TTLL11: variants seen among roughly 807,000 people sequenced by gnomAD.
The protein encoded by TTLL11 is tubulin tyrosine ligase like 11.
In TTLL11, 42 loss-of-function variants were observed where a neutral mutation model predicts 51.7. The observed-to-expected ratio is 0.81, with a 90% CI of 0.64 to 1.05. TTLL11 has a LOEUF of 1.05. TTLL11 is among the 50% of genes least tolerant of loss of function. The pLI is 0.00. For missense variants in TTLL11, 799 were observed against 940.4 expected (o/e 0.85, Z 1.97); for synonymous variants, 381 against 383.5 (o/e 0.99, Z 0.08).
intron 1 of TTLL11, among the ~76,000 whole-genome samples, chr9:122,054,049 T>A (rs1845230803): frequency 6.6e-6 from 1 of 152,248 alleles, no homozygotes; most frequent in Non-Finnish European, 1.5e-5. Context: ...TTCCTTTTCC[T>A]GTTCACTTCT....
At chr9:121,854,040 G>T (rs77570759) in intron 8 of TTLL11, among the ~76,000 whole-genome samples, 2,640 of 152,260 alleles carry the variant, frequency 0.017, 80 homozygotes, top group African/African-American at 0.06. Context: ...TCCATCCCAA[G>T]GTTTCCAGGA....
At chr9:121,860,214 T>C (rs1328361516) in intron 8 of TTLL11, 123 bp downstream of exon 8, 5 of 689,074 alleles carry the variant, frequency 7.3e-6, no homozygotes, top group Non-Finnish European at 1.2e-5. Flanking sequence ...CCTGGGATTA[T>C]GTCTAGATCT....
chr9:121,915,701 T>C (rs1256605577), intron 6 of TTLL11, among the ~76,000 whole-genome samples: 1 of 152,162 alleles, frequency 6.6e-6, no homozygotes, highest in Non-Finnish European at 1.5e-5. Context: ...GCCTAATAAT[T>C]AGTACTTGAT....
chr9:121,824,760 T>G (rs868334534), intron 8 of TTLL11, among the ~76,000 whole-genome samples: 16 of 152,202 alleles, frequency 1.1e-4, no homozygotes, highest in Admixed American at 3.3e-4. Flanking sequence ...ACGTGGCATT[T>G]TAGATTAGGC....
rs143415532 is a variant in TTLL11, at chr9:121,896,940, C to T, written c.1482-26192G>A. On this transcript the variant is annotated intron_variant, in intron 6 of 8. Coordinates refer to ENST00000321582, the MANE Select transcript of TTLL11 (RefSeq NM_001139442.2). ...TCAGCTGTAGGTCTTTTCCTTATGA[C>T]CGCTTCCCAAACTGGCTCTGCAAAG... Among the ~76,000 whole-genome samples the T allele has an allele frequency of 1.2e-3, 183 of 152,298 alleles. 1 individual carries two copies. Among genetic ancestry groups the T allele is most frequent in the African/African-American group, 4.1e-3 (170 of 41,562 alleles).
intron 2 of TTLL11, among the ~76,000 whole-genome samples, chr9:122,032,814 A>G (rs1445320008): frequency 7.7e-6 from 1 of 129,252 alleles, no homozygotes; most frequent in Non-Finnish European, 1.6e-5. Context: ...TTTTTTTTTG[A>G]AACACAGCCT....
chr9:122,010,256 A>G (rs569044692), intron 3 of TTLL11, among the ~76,000 whole-genome samples: 2 of 152,316 alleles, frequency 1.3e-5, no homozygotes, highest in Admixed American at 1.3e-4. Flanking sequence ...AATGAAAACC[A>G]TGTCGACTCC....
rs1443812147 is a variant in TTLL11, at chr9:121,819,111, G to A, written c.*3476C>T. 6.6e-6 allele frequency: 1 copy of A among 152,636 alleles called. No homozygotes were observed. Among genetic ancestry groups the A allele is most frequent in the East Asian group, 1.9e-4 (1 of 5,200 alleles). 9.5% of individuals were successfully genotyped at this position (152,636 alleles called of 1,614,324 possible). A position where few individuals can be genotyped will look rare whatever the true frequency, so the allele number is the denominator to read the frequency against. The stretch of plus-strand genomic sequence containing the variant: ...TAGGGATGGATGCTGCTCTCTCCTG[G>A]AGGCCCTGCCTCTGCCCACTGGGAG... On this transcript the variant is annotated 3_prime_UTR_variant, in exon 9 of 9. Coordinates refer to ENST00000321582, the MANE Select transcript of TTLL11 (RefSeq NM_001139442.2).
intron 6 of TTLL11, among the ~76,000 whole-genome samples, chr9:121,954,023 C>T (rs1239390968): frequency 6.6e-6 from 1 of 152,186 alleles, no homozygotes; most frequent in Non-Finnish European, 1.5e-5. Flanking sequence ...ACAGAGCTGG[C>T]CGAGGGAGCT....
chr9:122,059,289 C>T (rs1434325316), intron 1 of TTLL11, among the ~76,000 whole-genome samples: 1 of 152,206 alleles, frequency 6.6e-6, no homozygotes, highest in Non-Finnish European at 1.5e-5. Context: ...AATAAAATCA[C>T]TATTGCCATG....
At chr9:121,943,155 A>T (rs1174462127) in intron 6 of TTLL11, among the ~76,000 whole-genome samples, 1 of 152,234 alleles carries the variant, frequency 6.6e-6, no homozygotes, top group East Asian at 1.9e-4. Flanking sequence ...AAGTTACTTA[A>T]GTAGTGAGTG....
intron 8 of TTLL11, among the ~76,000 whole-genome samples, chr9:121,859,097 T>C (rs1473816970): frequency 6.9e-6 from 1 of 144,126 alleles, no homozygotes; most frequent in African/African-American, 2.6e-5. Context: ...ACTGCACTGG[T>C]TTACCGGGAC....
intron 2 of TTLL11, among the ~76,000 whole-genome samples, chr9:122,032,791 T>C (rs1002207019): frequency 9.3e-4 from 137 of 146,604 alleles, no homozygotes; most frequent in Non-Finnish European, 1.6e-3. Flanking sequence ...GTTTATTTCA[T>C]TTTTTCTTTT....
intron 6 of TTLL11, among the ~76,000 whole-genome samples, chr9:121,884,078 G>A (rs534775303): frequency 7.9e-5 from 12 of 152,318 alleles, no homozygotes; most frequent in African/African-American, 4.8e-5. Context: ...GCTGGTCCAC[G>A]ATACAAGATG....
intron 1 of TTLL11, among the ~76,000 whole-genome samples, chr9:122,081,735 A>AT (rs1846008658): frequency 6.6e-6 from 1 of 152,236 alleles, no homozygotes; most frequent in African/African-American, 2.4e-5. Context: ...AGAAGAAGAA[A>AT]TTTTTTAATT....
rs908081863 is a variant in TTLL11 at position 122,039,297 on chromosome 9, G to C, written c.534C>G (p.Phe178Leu). 1.2e-6 allele frequency: 2 copies of C among 1,613,848 alleles called. No individual in the cohort carries two copies. Among genetic ancestry groups the C allele is most frequent in the African/African-American group, 2.7e-5 (2 of 74,918 alleles). Residue 178 changes from phenylalanine (F) to leucine (L), a missense_variant, in exon 2 of 9, where the codon TTC becomes TTG. Phe to Leu is a conservative substitution (Grantham distance 22). Coordinates refer to ENST00000321582, the MANE Select transcript of TTLL11 (RefSeq NM_001139442.2). ...HGVSFHDNDI[F>L]SGQVNKFPGM... ...CTGGAAACTTGTTCACTTGACCGGAGAATATGTCATTGTCGTGAAATGAAA... is the reference window on the plus strand; with the variant it reads ...CTGGAAACTTGTTCACTTGACCGGACAATATGTCATTGTCGTGAAATGAAA...
intron 6 of TTLL11, among the ~76,000 whole-genome samples, chr9:121,873,641 TC>T (rs1160971708): frequency 2.2e-5 from 1 of 44,666 alleles, no homozygotes; most frequent in Non-Finnish European, 5.4e-5. Context: ...CTCCTCCTCC[TC>T]TCTTCTTCTT....
intron 1 of TTLL11, among the ~76,000 whole-genome samples, chr9:122,063,254 G>C (rs1048609025): frequency 6.6e-6 from 1 of 152,086 alleles, no homozygotes; most frequent in Admixed American, 6.5e-5. Context: ...ATTTTACCTT[G>C]TGAGATTTAA....
At chr9:121,966,712 C>A (rs773502940) in intron 6 of TTLL11, among the ~76,000 whole-genome samples, 1 of 152,154 alleles carries the variant, frequency 6.6e-6, no homozygotes, top group Non-Finnish European at 1.5e-5. Flanking sequence ...GCCTCATGGC[C>A]AGGCAAACAT....
Sources: allele counts gnomAD v4.1 joint callset (sites outside exome capture counted in the v4.1 genomes callset), GRCh38; gene constraint gnomAD v4.1.1; transcripts MANE v1.5; gene names NCBI Gene and HGNC (gene_info 2026-07-23, HGNC 2026-07-21).